The following NEO1 variants were observed in gnomAD, a reference collection of about 807,000 sequenced individuals.
NEO1 encodes the protein neogenin.
Under a neutral mutation model 159.7 loss-of-function variants are expected in NEO1, and 63 were observed. The observed-to-expected ratio is 0.39, with a 90% CI of 0.32 to 0.49. The LOEUF is 0.49. Ranked by LOEUF, NEO1 falls within the 20% of genes least tolerant of loss-of-function variation. The pLI is 0.85. For synonymous variants in NEO1, 633 were observed against 662.0 expected (o/e 0.96, Z 0.67); for missense variants, 1,615 against 1,831.0 (o/e 0.88, Z 2.15).
chr15:73,298,300 A>C, intron 26 of NEO1, 48 bp from the exon 27 acceptor site: 1 of 1,607,334 alleles, frequency 6.2e-7, no homozygotes, highest in Non-Finnish European at 8.5e-7. Flanking sequence ...GGACTGTCAC[A>C]TATTTAATGG....
chr15:73,269,313 C>G (rs1442619423), intron 16 of NEO1, among the ~76,000 whole-genome samples: 1 of 152,138 alleles, frequency 6.6e-6, no homozygotes, highest in Non-Finnish European at 1.5e-5. Flanking sequence ...AGAAATTGTA[C>G]CCCTGATTCT....
chr15:73,228,445 A>T (rs1160637125), intron 7 of NEO1, among the ~76,000 whole-genome samples: 1 of 145,734 alleles, frequency 6.9e-6, no homozygotes, highest in African/African-American at 2.5e-5. Flanking sequence ...GTAAGAGTTC[A>T]TTATGTATTT....
intron 24 of NEO1, among the ~76,000 whole-genome samples, 191 bp downstream of exon 24, chr15:73,288,742 G>C (rs2042046925): frequency 6.6e-6 from 1 of 152,024 alleles, no homozygotes; most frequent in Admixed American, 6.5e-5. Context: ...AGATTCTGTA[G>C]CCATACGAGA....
At chr15:73,070,475 T>C (rs1377436603) in intron 1 of NEO1, among the ~76,000 whole-genome samples, 2 of 152,238 alleles carry the variant, frequency 1.3e-5, no homozygotes, top group East Asian at 1.9e-4. Context: ...GCATTTGTTA[T>C]GTATCATAAA....
At chr15:73,248,989 A>T in intron 9 of NEO1, 71 bp from the exon 10 acceptor site, 1 of 1,482,084 alleles carries the variant, frequency 6.7e-7, no homozygotes, top group Non-Finnish European at 9.2e-7. Flanking sequence ...ATATGACAGT[A>T]TTGCCAAGAA....
intron 8 of NEO1, among the ~76,000 whole-genome samples, chr15:73,237,943 C>T (rs183070836): frequency 2.0e-4 from 30 of 152,350 alleles, no homozygotes; most frequent in Admixed American, 1.5e-3. Flanking sequence ...ACATGAGTTA[C>T]ATCTGGCTTC....
chr15:73,097,561 A>G (rs1310275483), intron 1 of NEO1, among the ~76,000 whole-genome samples: 4 of 151,730 alleles, frequency 2.6e-5, no homozygotes, highest in African/African-American at 9.7e-5. Context: ...GGGTTTTGCC[A>G]TGTTGGCCAG....
chr15:73,071,230 T>C (rs1308812634), intron 1 of NEO1, among the ~76,000 whole-genome samples: 1 of 152,128 alleles, frequency 6.6e-6, no homozygotes, highest in African/African-American at 2.4e-5. Context: ...TGAACCATCG[T>C]GCCTGGCCCT....
chr15:73,119,256 C>T (rs62016809), intron 2 of NEO1, among the ~76,000 whole-genome samples: 45,544 of 152,042 alleles, frequency 0.3, 8,303 homozygotes, highest in Admixed American at 0.44. Flanking sequence ...AGATAGTGAA[C>T]TTTATGGTAT....
chr15:73,262,991 A>G (rs1372871452), intron 15 of NEO1, among the ~76,000 whole-genome samples: 1 of 152,168 alleles, frequency 6.6e-6, no homozygotes, highest in African/African-American at 2.4e-5. Context: ...CTATAGTGAC[A>G]AAGCAAGATC....
chr15:73,194,260 C>CT (rs1289387804), intron 7 of NEO1, among the ~76,000 whole-genome samples: 4 of 152,106 alleles, frequency 2.6e-5, no homozygotes, highest in African/African-American at 9.7e-5. Context: ...GTTTAAGGCC[C>CT]TGGACTAGTT....
At chr15:73,181,598 A>C (rs147055268) in intron 7 of NEO1, among the ~76,000 whole-genome samples, 1 of 152,168 alleles carries the variant, frequency 6.6e-6, no homozygotes, top group Non-Finnish European at 1.5e-5. Context: ...GGCATCTCAC[A>C]TGGCAGGACC....
chr15:73,271,028 A>G (rs2041142586), intron 18 of NEO1, among the ~76,000 whole-genome samples: 1 of 152,190 alleles, frequency 6.6e-6, no homozygotes, highest in African/African-American at 2.4e-5. Context: ...GTCTAGGGAT[A>G]TGCATAACCA....
chr15:73,244,208 T>C, intron 8 of NEO1, 136 bp from the exon 9 acceptor site: 2 of 940,630 alleles, frequency 2.1e-6, no homozygotes, highest in Non-Finnish European at 1.5e-6. Flanking sequence ...TGCACTGTCC[T>C]ACCCCCAAAA....
At position 73,126,481 on chromosome 15, in the gene NEO1, T is replaced by G; in HGVS notation, c.789T>G (p.Gly263=). Residue 263 remains glycine, a synonymous_variant, in exon 4 of 29, where the codon GGT becomes GGG. Transcript: ENST00000261908. Reference sequence around the variant, plus strand: ...CTTCTCCCTTAGTCAGAGTCATTGGTCAGGATGTAGTGTTGCCATGTGTTG... The same window carrying G: ...CTTCTCCCTTAGTCAGAGTCATTGGGCAGGATGTAGTGTTGCCATGTGTTG... ...KQPSPLVRVI[G]QDVVLPCVAS... is the part of the protein sequence containing the mutation. The G allele has an allele frequency of 6.2e-7, 1 of 1,613,770 alleles. No individual in the cohort carries two copies. Among genetic ancestry groups the G allele is most frequent in the Non-Finnish European group, 8.5e-7 (1 of 1,179,878 alleles).
In NEO1 at chr15:73,304,724, G is replaced by C. The variant is rs2042724311; in HGVS notation, c.*2028G>C. 6.6e-6 allele frequency: 1 copy of C among 151,844 alleles called. No individual in the cohort carries two copies. Among genetic ancestry groups the C allele is most frequent in the Non-Finnish European group, 1.5e-5 (1 of 67,992 alleles). 9.4% of individuals were successfully genotyped at this position (151,844 alleles called of 1,614,324 possible). A position where few individuals can be genotyped will look rare whatever the true frequency, so the allele number is the denominator to read the frequency against. ...ACCTTTTGCCCAAAGAACATGCTCA[G>C]TATTTGGGGCATTTCCTCCCACAAA... On this transcript the variant is annotated 3_prime_UTR_variant, in exon 29 of 29. Transcript: ENST00000261908.
chr15:73,061,508 T>G (rs1173864389), intron 1 of NEO1, among the ~76,000 whole-genome samples: 1 of 152,122 alleles, frequency 6.6e-6, no homozygotes, highest in Non-Finnish European at 1.5e-5. Flanking sequence ...GGAGGGGAGG[T>G]GAGGTGGCAG....
At chr15:73,194,375 GAA>G (rs1035027225) in intron 7 of NEO1, among the ~76,000 whole-genome samples, 2 of 152,134 alleles carry the variant, frequency 1.3e-5, no homozygotes, top group African/African-American at 4.8e-5. Flanking sequence ...AATTTATAAA[GAA>G]AAGAGATTTA....
intron 23 of NEO1, among the ~76,000 whole-genome samples, chr15:73,286,328 C>G (rs1460132732): frequency 6.6e-6 from 1 of 152,230 alleles, no homozygotes; most frequent in African/African-American, 2.4e-5. Context: ...ACATTTCACA[C>G]AGTCAACCAT....
Sources: allele counts gnomAD v4.1 joint callset (sites outside exome capture counted in the v4.1 genomes callset), GRCh38; gene constraint gnomAD v4.1.1; transcripts MANE v1.5; gene names NCBI Gene and HGNC (gene_info 2026-07-23, HGNC 2026-07-21).